The following BNC2 variants were observed in gnomAD, a reference collection of about 807,000 sequenced individuals.
The protein encoded by BNC2 is basonuclin zinc finger protein 2, also known as zinc finger protein basonuclin-2.
In BNC2, 20 loss-of-function variants were observed where a neutral mutation model predicts 76.3. The ratio of observed to expected loss-of-function variants is 0.26; its 90% CI spans 0.18 to 0.38. The LOEUF (loss-of-function observed/expected upper bound fraction) is 0.38. Ranked by LOEUF, BNC2 falls within the 10% of genes least tolerant of loss-of-function variation. BNC2 has a pLI of 1.00. For synonymous variants in BNC2, 582 were observed against 514.8 expected, an observed-to-expected ratio of 1.13 and a Z score of -1.77; for missense variants, 1,382 against 1,399.8, an observed-to-expected ratio of 0.99 and a Z score of 0.20.
At chr9:16,475,534 T>A (rs535735452) in intron 5 of BNC2, among the ~76,000 whole-genome samples, 1 of 152,340 alleles carries the variant, frequency 6.6e-6, no homozygotes, top group African/African-American at 2.4e-5. Context: ...TTTAATTTTG[T>A]TCTGCTCTAT....
intron 4 of BNC2, among the ~76,000 whole-genome samples, chr9:16,578,702 A>G (rs549457425): frequency 1.3e-5 from 2 of 152,306 alleles, no homozygotes; most frequent in East Asian, 1.9e-4. Flanking sequence ...TCTTATCCTG[A>G]TATCTTAATC....
rs1004790518 is a variant in BNC2, at chr9:16,552,620, G to T, written c.579C>A (p.Leu193=). The change falls in exon 5 of 7, where the codon CTC becomes CTA. Residue 193 remains leucine (L), a synonymous_variant. Transcript: ENST00000380672. ...PVRLKILLDR[L]FSVLKQEEVL... ...CCTCCTCTTGCTTCAGGACGCTGAA[G>T]AGACGGTCCAGCAGGATCTTTAGCC... The T allele has an allele frequency of 1.2e-6, 2 of 1,614,126 alleles. No homozygotes were observed. The highest frequency in any genetic ancestry group is 2.7e-5 in the African/African-American group (2 of 74,948).
At chr9:16,481,598 G>A (rs943754222) in intron 5 of BNC2, among the ~76,000 whole-genome samples, 6 of 152,132 alleles carry the variant, frequency 3.9e-5, no homozygotes, top group African/African-American at 1.4e-4. Flanking sequence ...TGAGACCAAG[G>A]ACCCACCAAT....
chr9:16,476,861 T>C (rs1821938871), intron 5 of BNC2, among the ~76,000 whole-genome samples: 1 of 152,168 alleles, frequency 6.6e-6, no homozygotes, highest in Non-Finnish European at 1.5e-5. Context: ...AGCATAATGA[T>C]GCAAGGGGTT....
intron 4 of BNC2, among the ~76,000 whole-genome samples, chr9:16,574,916 G>C (rs1231936705): frequency 6.6e-6 from 1 of 152,158 alleles, no homozygotes; most frequent in Admixed American, 6.5e-5. Flanking sequence ...GCAGAGAAGG[G>C]ATTTGACCAC....
At chr9:16,490,380 T>C (rs1469885940) in intron 5 of BNC2, among the ~76,000 whole-genome samples, 1 of 152,106 alleles carries the variant, frequency 6.6e-6, no homozygotes, top group Non-Finnish European at 1.5e-5. Context: ...CCAGCCCCCA[T>C]GATTCAATTA....
At chr9:16,515,565 G>C (rs7042044) in intron 5 of BNC2, among the ~76,000 whole-genome samples, 8,792 of 151,990 alleles carry the variant, frequency 0.058, 724 homozygotes, top group African/African-American at 0.18. Flanking sequence ...CTGACGCTTA[G>C]TGAGGACTCG....
At chr9:16,644,541 T>A (rs1316226965) in intron 3 of BNC2, among the ~76,000 whole-genome samples, 1 of 152,182 alleles carries the variant, frequency 6.6e-6, no homozygotes, top group Admixed American at 6.5e-5. Flanking sequence ...GGATTCTGAA[T>A]AATCCCAAAT....
chr9:16,476,560 GT>G lies in BNC2; in HGVS notation c.670-39037del, dbSNP rs34107754. ...GCTTTTTAACCCGTGTGTGTGTGTT[GT>G]TTTTTTTAAAAAAAAAAAAAAACTC... On this transcript the variant is annotated intron_variant, in intron 5 of 6. Coordinates refer to ENST00000380672, the MANE Select transcript of BNC2 (RefSeq NM_017637.6). Among the ~76,000 whole-genome samples the G allele has an allele frequency of 4.6e-3, 664 of 143,816 alleles. 7 individuals are homozygous for G. Among genetic ancestry groups the G allele is most frequent in the African/African-American group, 0.015 (594 of 39,288 alleles). 94.3% of individuals were successfully genotyped at this position (143,816 alleles called of 152,430 possible).
intron 1 of BNC2, among the ~76,000 whole-genome samples, chr9:16,777,152 A>T (rs1001848676): frequency 6.6e-6 from 1 of 151,980 alleles, no homozygotes; most frequent in Non-Finnish European, 1.5e-5. Flanking sequence ...TTAATAAATT[A>T]AAAAATAAAA....
chr9:16,817,030 C>G (rs1489597243), intron 1 of BNC2, among the ~76,000 whole-genome samples: 1 of 152,192 alleles, frequency 6.6e-6, no homozygotes, highest in African/African-American at 2.4e-5. Flanking sequence ...GAGGCAGCCG[C>G]CTTTCCATTT....
intron 5 of BNC2, among the ~76,000 whole-genome samples, chr9:16,537,377 T>G (rs1027810874): frequency 1.3e-5 from 2 of 152,096 alleles, no homozygotes; most frequent in African/African-American, 4.8e-5. Context: ...AACCACATAT[T>G]ACTCTTTTAG....
intron 1 of BNC2, among the ~76,000 whole-genome samples, chr9:16,845,269 G>C (rs370585681): frequency 1.3e-5 from 2 of 152,020 alleles, no homozygotes; most frequent in African/African-American, 4.8e-5. Context: ...TAAGAGAAAT[G>C]GGCATTTTTT....
intron 3 of BNC2, among the ~76,000 whole-genome samples, chr9:16,675,843 G>A (rs1256325147): frequency 6.6e-6 from 1 of 152,166 alleles, no homozygotes; most frequent in Non-Finnish European, 1.5e-5. Flanking sequence ...GAGGTCAGGA[G>A]TTTGAGACCA....
intron 1 of BNC2, among the ~76,000 whole-genome samples, chr9:16,751,019 A>C (rs1041031001): frequency 2.6e-5 from 4 of 152,182 alleles, no homozygotes; most frequent in African/African-American, 9.7e-5. Flanking sequence ...TCAGACTCTC[A>C]AAGCATTCAC....
intron 1 of BNC2, among the ~76,000 whole-genome samples, chr9:16,807,352 T>A (rs143906359): frequency 4.1e-4 from 62 of 152,340 alleles, no homozygotes; most frequent in African/African-American, 1.5e-3. Flanking sequence ...GGACAGAAAC[T>A]ATCATTTTAT....
At chr9:16,679,200 G>C (rs528621966) in intron 3 of BNC2, among the ~76,000 whole-genome samples, 58 of 152,198 alleles carry the variant, frequency 3.8e-4, no homozygotes, top group African/African-American at 1.3e-3. Flanking sequence ...CTGGTGGCTT[G>C]CTTCTTTCTG....
At chr9:16,746,360 G>GT (rs375807807) in intron 1 of BNC2, among the ~76,000 whole-genome samples, 1 of 151,812 alleles carries the variant, frequency 6.6e-6, no homozygotes, top group Non-Finnish European at 1.5e-5. Context: ...ACTCGTTTTT[G>GT]TTTTTTGTTT....
At chr9:16,761,256 AC>A (rs1449047834) in intron 1 of BNC2, among the ~76,000 whole-genome samples, 2 of 152,160 alleles carry the variant, frequency 1.3e-5, no homozygotes, top group Non-Finnish European at 2.9e-5. Context: ...AAAACAAAAA[AC>A]AACAACAACA....
Sources: allele counts gnomAD v4.1 joint callset (sites outside exome capture counted in the v4.1 genomes callset), GRCh38; gene constraint gnomAD v4.1.1; transcripts MANE v1.5; gene names NCBI Gene and HGNC (gene_info 2026-07-23, HGNC 2026-07-21).